Variants in NXN observed in about 807,000 individuals in gnomAD.
NXN encodes the protein nucleoredoxin, also known as nucleoredoxin 1.
In NXN, 16 loss-of-function variants were observed where a neutral mutation model predicts 48.6. That is an observed-to-expected ratio of 0.33 (90% CI 0.22 to 0.50). NXN has a LOEUF of 0.50. NXN is among the 20% of genes least tolerant of loss of function. The probability of loss-of-function intolerance (pLI) is 0.98; values close to 1 mark genes in which losing one functional copy is unlikely to be tolerated. For missense variants in NXN, 492 were observed against 605.5 expected (o/e 0.81, Z 1.97); for synonymous variants, 281 against 269.6 (o/e 1.04, Z -0.41).
At chr17:959,748 C>T (rs1054963024) in intron 1 of NXN, among the ~76,000 whole-genome samples, 1 of 148,746 alleles carries the variant, frequency 6.7e-6, no homozygotes, top group Non-Finnish European at 1.5e-5. Context: ...GATCTTAGAT[C>T]GCGCCACCAC....
At chr17:832,179 A>ATT (rs111637104) in intron 1 of NXN, among the ~76,000 whole-genome samples, 1 of 150,300 alleles carries the variant, frequency 6.7e-6, no homozygotes, top group Admixed American at 6.6e-5. Flanking sequence ...TTAGCCAGGA[A>ATT]TTTTTTTTTC....
At position 818,393 on chromosome 17, in the gene NXN, A is replaced by G. The variant is rs1397296578; in HGVS notation, c.820+1046T>C. ...AGCCCTCACTATCACGCCTCTTTAC[A>G]TACTTTACTTATTCATGCTCCCAAC... On this transcript the variant is annotated intron_variant, in intron 5 of 7. Coordinates refer to ENST00000336868, the MANE Select transcript of NXN (RefSeq NM_022463.5). Among the ~76,000 whole-genome samples the G allele has an allele frequency of 7.2e-5, 11 of 152,096 alleles. 1 individual carries two copies. In the South Asian group the frequency reaches 1.5e-3, roughly 20 times the overall value.
chr17:886,028 A>G (rs989065453), intron 1 of NXN, among the ~76,000 whole-genome samples: 3 of 151,904 alleles, frequency 2.0e-5, no homozygotes, highest in Non-Finnish European at 2.9e-5. Flanking sequence ...ATTCTAACCA[A>G]AGGCTCCAAA....
chr17:828,184 A>G (rs1597637052), intron 1 of NXN, among the ~76,000 whole-genome samples: 1 of 151,716 alleles, frequency 6.6e-6, no homozygotes, highest in Non-Finnish European at 1.5e-5. Flanking sequence ...GCTCACTGCA[A>G]CCTCCACCTC....
chr17:928,549 T>C (rs2068823441), intron 1 of NXN, among the ~76,000 whole-genome samples: 1 of 152,164 alleles, frequency 6.6e-6, no homozygotes, highest in South Asian at 2.1e-4. Context: ...GAAAAAGTAC[T>C]GGAAGGTTGG....
chr17:938,970 T>C (rs2068939338), intron 1 of NXN, among the ~76,000 whole-genome samples: 1 of 151,000 alleles, frequency 6.6e-6, no homozygotes, highest in African/African-American at 2.4e-5. Flanking sequence ...GAGAATTGCT[T>C]GAGCCTGGGA....
intron 1 of NXN, among the ~76,000 whole-genome samples, chr17:829,452 G>T (rs1913326764): frequency 1.4e-5 from 2 of 144,422 alleles, no homozygotes; most frequent in Admixed American, 7.4e-5. Context: ...ACCGTGCTCG[G>T]ACTATCTTTT....
At position 868,468 on chromosome 17, in the gene NXN, T is replaced by C. The variant is rs541292856; in HGVS notation, c.361-42390A>G. ...GCACAGAAACTACCTTGTCTTTTTT[T>C]GTTTTTTTTTTGGTTTTTTGTTTGT... On this transcript the variant is annotated intron_variant, in intron 1 of 7. Coordinates refer to ENST00000336868, the MANE Select transcript of NXN (RefSeq NM_022463.5). Among the ~76,000 whole-genome samples, 225 of 150,534 alleles carry C rather than the reference T, an allele frequency of 1.5e-3. 1 individual carries two copies. Among genetic ancestry groups the C allele is most frequent in the African/African-American group, 5.1e-3 (203 of 39,948 alleles).
At chr17:946,459 A>G (rs551642946) in intron 1 of NXN, among the ~76,000 whole-genome samples, 13 of 152,208 alleles carry the variant, frequency 8.5e-5, no homozygotes, top group Non-Finnish European at 1.3e-4. Flanking sequence ...GAGCCACCAC[A>G]CCCGGCCAAA....
chr17:801,405 A>C (rs1597605162), intron 7 of NXN, among the ~76,000 whole-genome samples: 1 of 141,572 alleles, frequency 7.1e-6, no homozygotes, highest in Non-Finnish European at 1.5e-5. Flanking sequence ...CATCAACACC[A>C]TTTTAATACG....
In NXN at chr17:912,218, G is replaced by A. The variant is rs146374167; in HGVS notation, c.360+67101C>T. Among the ~76,000 whole-genome samples the A allele has an allele frequency of 2.4e-3, 372 of 152,180 alleles. 2 individuals are homozygous for A. Among genetic ancestry groups the A allele is most frequent in the African/African-American group, 8.6e-3 (356 of 41,504 alleles). ...CTCCCAAAGTGCTGGGCTTATAAGC[G>A]TGAGCCACCACACCCGGCCAAATAC... On this transcript the variant is annotated intron_variant, in intron 1 of 7. Coordinates refer to ENST00000336868, the MANE Select transcript of NXN (RefSeq NM_022463.5).
intron 1 of NXN, among the ~76,000 whole-genome samples, chr17:969,162 G>A (rs1380368934): frequency 1.3e-5 from 2 of 152,014 alleles, no homozygotes; most frequent in Admixed American, 6.6e-5. Context: ...ACATTTAAAC[G>A]GCACGTGCTA....
chr17:802,144 TAG>T (rs1911245228), intron 7 of NXN, among the ~76,000 whole-genome samples: 1 of 152,020 alleles, frequency 6.6e-6, no homozygotes, highest in African/African-American at 2.4e-5. Context: ...TTTTTGGAGA[TAG>T]AGTCTCTTTC....
chr17:868,658 A>AT (rs1567841001), intron 1 of NXN, among the ~76,000 whole-genome samples: 1 of 151,684 alleles, frequency 6.6e-6, no homozygotes, highest in Non-Finnish European at 1.5e-5. Context: ...CGCCCGGATC[A>AT]TTTTTTTGTA....
chr17:814,216 G>A (rs940290881), intron 5 of NXN, among the ~76,000 whole-genome samples: 5 of 151,996 alleles, frequency 3.3e-5, no homozygotes, highest in Non-Finnish European at 5.9e-5. Context: ...CAGAGATTGC[G>A]CCACTGCACT....
At chr17:878,316 A>T (rs1014182109) in intron 1 of NXN, 11 of 139,426 alleles carry the variant, frequency 7.9e-5, no homozygotes, top group African/African-American at 2.9e-4. Flanking sequence ...GGGGTCGACC[A>T]GTGTGGCTGA....
chr17:861,494 C>G (rs1280483296), intron 1 of NXN, among the ~76,000 whole-genome samples: 1 of 152,128 alleles, frequency 6.6e-6, no homozygotes, highest in Non-Finnish European at 1.5e-5. Context: ...AAGGAACACA[C>G]TTCATGACCA....
intron 1 of NXN, among the ~76,000 whole-genome samples, chr17:847,039 A>G (rs2067870940): frequency 6.6e-6 from 1 of 152,150 alleles, no homozygotes; most frequent in Non-Finnish European, 1.5e-5. Flanking sequence ...ATAAATTCCA[A>G]GTCGGCAGGG....
At chr17:841,454 ACGGCG>A (rs1481229656) in intron 1 of NXN, among the ~76,000 whole-genome samples, 6 of 131,178 alleles carry the variant, frequency 4.6e-5, no homozygotes, top group Admixed American at 8.0e-5. Flanking sequence ...CCCCCTGACC[ACGGCG>A]CATCTCACAC....
Sources: allele counts gnomAD v4.1 joint callset (sites outside exome capture counted in the v4.1 genomes callset), GRCh38; gene constraint gnomAD v4.1.1; transcripts MANE v1.5; gene names NCBI Gene and HGNC (gene_info 2026-07-23, HGNC 2026-07-21).